ATP2B1: variants seen among roughly 807,000 people sequenced by gnomAD.
ATP2B1 encodes plasma membrane calcium-transporting ATPase 1.
A neutral mutation model predicts 124.2 loss-of-function variants in ATP2B1; 14 were observed. The observed-to-expected ratio is 0.11, with a 90% CI of 0.07 to 0.18. The LOEUF (loss-of-function observed/expected upper bound fraction) is 0.18. ATP2B1 is among the 10% of genes least tolerant of loss of function. The pLI is 1.00. For synonymous variants in ATP2B1, 449 were observed against 492.4 expected, an observed-to-expected ratio of 0.91 and a Z score of 1.17; for missense variants, 763 against 1,466.1, an observed-to-expected ratio of 0.52 and a Z score of 7.83.
intron 1 of ATP2B1, among the ~76,000 whole-genome samples, chr12:89,659,367 C>CACACAT (rs1004423591): frequency 6.6e-6 from 1 of 151,826 alleles, no homozygotes; most frequent in Non-Finnish European, 1.5e-5. Flanking sequence ...AACACACACA[C>CACACAT]ACACACACAC....
chr12:89,672,118 G>A (rs567881245), intron 1 of ATP2B1, among the ~76,000 whole-genome samples: 9 of 152,264 alleles, frequency 5.9e-5, no homozygotes, highest in Middle Eastern at 3.4e-3. Context: ...TTAATCCTAA[G>A]CAAATTGCTC....
At chr12:89,650,708 T>A (rs1248554662) in intron 2 of ATP2B1, among the ~76,000 whole-genome samples, 2 of 152,184 alleles carry the variant, frequency 1.3e-5, no homozygotes, top group Admixed American at 6.5e-5. Flanking sequence ...ATTCCTTTTT[T>A]AATGTAGAAC....
intron 1 of ATP2B1, among the ~76,000 whole-genome samples, chr12:89,666,002 G>A (rs1166959516): frequency 6.6e-6 from 1 of 152,196 alleles, no homozygotes; most frequent in Non-Finnish European, 1.5e-5. Flanking sequence ...CAACTGAATA[G>A]AGAACTAAGG....
At chr12:89,641,055 G>A (rs1883426027) in intron 3 of ATP2B1, among the ~76,000 whole-genome samples, 1 of 152,136 alleles carries the variant, frequency 6.6e-6, no homozygotes, top group Admixed American at 6.5e-5. Context: ...TAGGAATGAA[G>A]CTTTCACAAA....
At chr12:89,670,537 A>C (rs1887831827) in intron 1 of ATP2B1, among the ~76,000 whole-genome samples, 1 of 152,084 alleles carries the variant, frequency 6.6e-6, no homozygotes, top group African/African-American at 2.4e-5. Flanking sequence ...CCCGTCGTGC[A>C]AGTATTGAAC....
At chr12:89,610,980 T>C (rs1373600862) in intron 13 of ATP2B1, among the ~76,000 whole-genome samples, 1 of 152,152 alleles carries the variant, frequency 6.6e-6, no homozygotes, top group African/African-American at 2.4e-5. Context: ...TATATAGCAT[T>C]CATAGCAAGA....
chr12:89,606,354 A>T (rs1260905337), intron 15 of ATP2B1, among the ~76,000 whole-genome samples: 1 of 152,212 alleles, frequency 6.6e-6, no homozygotes, highest in South Asian at 2.1e-4. Context: ...GAAGCAGCTA[A>T]AACAGTTTCC....
intron 2 of ATP2B1, among the ~76,000 whole-genome samples, chr12:89,643,176 G>A (rs915830661): frequency 2.0e-5 from 3 of 148,584 alleles, no homozygotes; most frequent in African/African-American, 2.5e-5. Flanking sequence ...ATGTATATAT[G>A]TATATGTATG....
intron 1 of ATP2B1, among the ~76,000 whole-genome samples, chr12:89,691,540 C>T (rs967945851): frequency 6.6e-6 from 1 of 152,086 alleles, no homozygotes; most frequent in Admixed American, 6.6e-5. Flanking sequence ...CAATGTACCA[C>T]ATAATTTATC....
intron 20 of ATP2B1, among the ~76,000 whole-genome samples, chr12:89,592,982 C>T (rs1873874596): frequency 2.0e-5 from 3 of 152,028 alleles, no homozygotes; most frequent in Admixed American, 6.6e-5. Flanking sequence ...TGTCTTGCAG[C>T]TTTACCATCT....
chr12:89,593,060 A>G (rs1387266432), intron 20 of ATP2B1, among the ~76,000 whole-genome samples: 1 of 152,044 alleles, frequency 6.6e-6, no homozygotes, highest in Admixed American at 6.6e-5. Flanking sequence ...ATAGCAGCAA[A>G]TATTTTTCAA....
At chr12:89,669,180 A>G (rs1185061055) in intron 1 of ATP2B1, among the ~76,000 whole-genome samples, 3 of 151,952 alleles carry the variant, frequency 2.0e-5, no homozygotes, top group African/African-American at 7.3e-5. Context: ...TTTCTTCCTG[A>G]TTAAACTGTA....
At chr12:89,608,984 C>T (rs944642114) in intron 15 of ATP2B1, among the ~76,000 whole-genome samples, 1 of 152,164 alleles carries the variant, frequency 6.6e-6, no homozygotes, top group African/African-American at 2.4e-5. Flanking sequence ...CCATAATTTC[C>T]TTTCCTCATC....
intron 1 of ATP2B1, among the ~76,000 whole-genome samples, chr12:89,674,666 G>A (rs750868690): frequency 1.1e-4 from 17 of 152,130 alleles, no homozygotes; most frequent in Non-Finnish European, 1.6e-4. Context: ...GTATTAATCA[G>A]CTTTCCATTT....
chr12:89,694,143 G>A (rs1890853666), intron 1 of ATP2B1, among the ~76,000 whole-genome samples: 1 of 152,114 alleles, frequency 6.6e-6, no homozygotes, highest in African/African-American at 2.4e-5. Context: ...ATTATTACTT[G>A]AGTAGCCAAA....
intron 2 of ATP2B1, among the ~76,000 whole-genome samples, chr12:89,644,189 C>G (rs1163339307): frequency 6.6e-6 from 1 of 152,046 alleles, no homozygotes; most frequent in Non-Finnish European, 1.5e-5. Flanking sequence ...AGGATAACAT[C>G]ATTTTTGACT....
chr12:89,706,891 G>T (rs1315093975), intron 1 of ATP2B1, among the ~76,000 whole-genome samples: 1 of 151,774 alleles, frequency 6.6e-6, no homozygotes, highest in Admixed American at 6.6e-5. Flanking sequence ...CCAAAATCAG[G>T]ACAGAGATCC....
At position 89,598,448 on chromosome 12, in the gene ATP2B1, T is replaced by C. The variant is rs761446359; in HGVS notation, c.3351+669A>G. Reference sequence around the variant, plus strand: ...GAAATAAAACAACAACGACAACACTTTGAGGTCTCAATCCACTTTACGAAA... The same window carrying C: ...GAAATAAAACAACAACGACAACACTCTGAGGTCTCAATCCACTTTACGAAA... On this transcript the variant is annotated intron_variant, in intron 20 of 20. Transcript: ENST00000428670. The C allele has an allele frequency of 1.5e-5, 14 of 929,256 alleles. No homozygotes were observed. The South Asian group carries it at 1.9e-4, about 12-fold the overall frequency. The allele number at this position is 929,256 out of a possible 1,614,324, so 57.6% of individuals were successfully genotyped here.
chr12:89,677,115 C>T lies in ATP2B1; in HGVS notation c.-221-21008G>A, dbSNP rs190068885. ...GCAATTTTAAAGATTAACAACTACT[C>T]TGTATATGTGCAGGGATACACAAGG... On this transcript the variant is annotated intron_variant, in intron 1 of 20. Coordinates refer to ENST00000428670, the MANE Select transcript of ATP2B1 (RefSeq NM_001366521.1). 3.1e-3 allele frequency among the ~76,000 whole-genome samples: 479 copies of T among 152,254 alleles called. 11 individuals are homozygous for T. The highest frequency in any genetic ancestry group is 0.029 in the Admixed American group (440 of 15,268).
Sources: allele counts gnomAD v4.1 joint callset (sites outside exome capture counted in the v4.1 genomes callset), GRCh38; gene constraint gnomAD v4.1.1; transcripts MANE v1.5; gene names NCBI Gene and HGNC (gene_info 2026-07-23, HGNC 2026-07-21).